The following TMEM74 variants were observed in gnomAD, a reference collection of about 807,000 sequenced individuals.
TMEM74 encodes transmembrane protein 74.
A neutral mutation model predicts 18.1 loss-of-function variants in TMEM74; 13 were observed. The ratio of observed to expected loss-of-function variants is 0.72; its 90% confidence interval spans 0.47 to 1.14. TMEM74 has a LOEUF of 1.14. TMEM74 is among the 50% of genes most tolerant of loss of function. The pLI is 0.00. For missense variants in TMEM74, 372 were observed against 375.9 expected, an observed-to-expected ratio of 0.99 and a Z score of 0.09; for synonymous variants, 159 against 146.6, an observed-to-expected ratio of 1.08 and a Z score of -0.61.
intron 2 of TMEM74, among the ~76,000 whole-genome samples, chr8:108,654,610 C>T (rs931797896): frequency 1.3e-5 from 2 of 152,098 alleles, no homozygotes; most frequent in African/African-American, 4.8e-5. Context: ...AGGGTTGAAG[C>T]TGAGCAATGG....
In TMEM74 at chr8:108,784,244, G is replaced by T. The variant is rs776364217; in HGVS notation, c.855C>A (p.Ser285Arg). 6.2e-7 allele frequency: 1 copy of T among 1,614,172 alleles called. No homozygotes were observed. The highest frequency in any genetic ancestry group is 1.7e-5 in the Admixed American group (1 of 60,022). Residue 285 changes from serine (S) to arginine (R), a missense_variant, in exon 2 of 2, where the codon AGC becomes AGA. By Grantham distance (110) the Ser-to-Arg change is moderately radical. Transcript: ENST00000297459. ...YGSFNFRMKTSTNENTLELSL... is the reference protein window; with the variant it reads ...YGSFNFRMKTRTNENTLELSL... ...ACAGTTCCAGAGTGTTTTCATTCGT[G>T]CTGGTTTTCATCCTGAAGTTGAAAG...
chr8:108,675,872 C>T (rs1302076079), intron 1 of TMEM74, among the ~76,000 whole-genome samples: 1 of 151,822 alleles, frequency 6.6e-6, no homozygotes, highest in Non-Finnish European at 1.5e-5. Context: ...ATAGGCAGGA[C>T]CATGTAATAT....
intron 1 of TMEM74, among the ~76,000 whole-genome samples, chr8:108,744,087 CT>C (rs1457864596): frequency 6.6e-6 from 1 of 152,164 alleles, no homozygotes; most frequent in Non-Finnish European, 1.5e-5. Flanking sequence ...TTATTTTACA[CT>C]TTATGATTTT....
chr8:108,756,650 G>GAGAAAGAAAGAAAGAAAGAAAGAA (rs71305914), intron 1 of TMEM74, among the ~76,000 whole-genome samples: 33 of 27,112 alleles, frequency 1.2e-3, no homozygotes, highest in Admixed American at 2.0e-3. Flanking sequence ...AAGAAAGAAA[G>GAGAAAGAAAGAAAGAAAGAAAGAA]AGAAAGAAAG....
chr8:108,712,865 G>A (rs769178920), intron 1 of TMEM74, among the ~76,000 whole-genome samples: 4 of 152,184 alleles, frequency 2.6e-5, no homozygotes, highest in Non-Finnish European at 5.9e-5. Context: ...ATGGAGTGAG[G>A]GGTGAAGCTT....
chr8:108,656,082 G>A (rs1812818689), intron 1 of TMEM74, among the ~76,000 whole-genome samples: 1 of 152,132 alleles, frequency 6.6e-6, no homozygotes. Flanking sequence ...TCATTCAAAA[G>A]GAATTTTCCC....
At chr8:108,691,735 AC>A (rs11308518) in intron 1 of TMEM74, among the ~76,000 whole-genome samples, 65,258 of 151,944 alleles carry the variant, frequency 0.43, 14,236 homozygotes, top group East Asian at 0.57. Context: ...GGAAATATAG[AC>A]AGGACATAAA....
At chr8:108,720,306 C>T (rs1251308723) in intron 1 of TMEM74, among the ~76,000 whole-genome samples, 2 of 152,150 alleles carry the variant, frequency 1.3e-5, no homozygotes, top group Non-Finnish European at 2.9e-5. Flanking sequence ...AGCCCAACTA[C>T]AGTTAGAACT....
chr8:108,667,281 GA>G (rs1812958190), intron 1 of TMEM74, among the ~76,000 whole-genome samples: 1 of 152,066 alleles, frequency 6.6e-6, no homozygotes, highest in South Asian at 2.1e-4. Flanking sequence ...CAGGGAAGCA[GA>G]AAAAATGAAC....
At chr8:108,772,755 C>G (rs1383832285) in intron 1 of TMEM74, among the ~76,000 whole-genome samples, 1 of 152,106 alleles carries the variant, frequency 6.6e-6, no homozygotes, top group East Asian at 1.9e-4. Flanking sequence ...ACTTTAACCT[C>G]AAGCAAGTGT....
intron 2 of TMEM74, among the ~76,000 whole-genome samples, chr8:108,632,464 A>G (rs753072525): frequency 1.3e-5 from 2 of 152,008 alleles, no homozygotes; most frequent in Non-Finnish European, 2.9e-5. Context: ...AGAAAATGCA[A>G]TGATGTTATA....
At chr8:108,743,061 G>T (rs1813817415) in intron 1 of TMEM74, among the ~76,000 whole-genome samples, 1 of 152,138 alleles carries the variant, frequency 6.6e-6, no homozygotes, top group Non-Finnish European at 1.5e-5. Flanking sequence ...CATTGCAACA[G>T]CCTTGAAACA....
chr8:108,686,985 T>G (rs1813176742), intron 1 of TMEM74, among the ~76,000 whole-genome samples: 1 of 152,206 alleles, frequency 6.6e-6, no homozygotes, highest in African/African-American at 2.4e-5. Flanking sequence ...TACTTTAATT[T>G]AATTTCCAAT....
chr8:108,617,824 C>A (rs1379173215), intron 2 of TMEM74, among the ~76,000 whole-genome samples: 1 of 151,940 alleles, frequency 6.6e-6, no homozygotes, highest in Non-Finnish European at 1.5e-5. Context: ...CCTTGGGACT[C>A]CCCTAATTTC....
intron 1 of TMEM74, among the ~76,000 whole-genome samples, chr8:108,773,736 C>G (rs904977353): frequency 6.6e-6 from 1 of 152,128 alleles, no homozygotes; most frequent in African/African-American, 2.4e-5. Context: ...GGAATCAAAT[C>G]AAGACCTCCT....
chr8:108,734,699 GA>G (rs1288279275), intron 1 of TMEM74, among the ~76,000 whole-genome samples: 8 of 151,824 alleles, frequency 5.3e-5, no homozygotes. Context: ...TTTAAAGAAA[GA>G]AAAAAAGAAC....
At chr8:108,755,866 GAC>G (rs1813954486) in intron 1 of TMEM74, among the ~76,000 whole-genome samples, 1 of 151,900 alleles carries the variant, frequency 6.6e-6, no homozygotes, top group Non-Finnish European at 1.5e-5. Flanking sequence ...GTTTAAATGA[GAC>G]AGTATAGGCA....
intron 1 of TMEM74, among the ~76,000 whole-genome samples, chr8:108,748,829 C>A (rs1813877402): frequency 6.6e-6 from 1 of 152,014 alleles, no homozygotes; most frequent in Non-Finnish European, 1.5e-5. Context: ...CCAGTTCTCC[C>A]AGCACCATTT....
chr8:108,756,744 GA>G (rs1220362101), intron 1 of TMEM74, among the ~76,000 whole-genome samples: 1 of 52,746 alleles, frequency 1.9e-5, no homozygotes, highest in East Asian at 8.8e-4. Flanking sequence ...GAGAAAGAAA[GA>G]AGGGAGGGAG....
Sources: gnomAD v4.1 joint callset for allele counts (sites outside exome capture counted in the v4.1 genomes callset) on GRCh38, gnomAD v4.1.1 for gene constraint, MANE v1.5 for transcripts, NCBI Gene and HGNC (gene_info 2026-07-23, HGNC 2026-07-21) for gene names.